SDC2: variants seen among roughly 807,000 people sequenced by gnomAD.
SDC2 encodes the protein syndecan-2.
In SDC2, 13 loss-of-function variants were observed where a neutral mutation model predicts 22.2. That is an observed-to-expected ratio of 0.59 (90% CI 0.38 to 0.93). The LOEUF is 0.93. Among genes scored for constraint, SDC2 ranks in the 40% least tolerant of loss-of-function variants. The pLI is 0.00. For missense variants in SDC2, 235 were observed against 246.8 expected, an observed-to-expected ratio of 0.95 and a Z score of 0.32; for synonymous variants, 94 against 92.8, an observed-to-expected ratio of 1.01 and a Z score of -0.07.
chr8:96,560,485 T>A (rs2130559909), intron 1 of SDC2, among the ~76,000 whole-genome samples: 1 of 152,356 alleles, frequency 6.6e-6, no homozygotes, highest in East Asian at 1.9e-4. Context: ...CTCATTTTAA[T>A]CTTTTAAAAT....
At chr8:96,495,765 C>G (rs1286301650) in intron 1 of SDC2, among the ~76,000 whole-genome samples, 1 of 152,122 alleles carries the variant, frequency 6.6e-6, no homozygotes. Context: ...GTGGGAGCCT[C>G]TGTGTGTGCT....
At chr8:96,532,722 C>G (rs1243455879) in intron 1 of SDC2, among the ~76,000 whole-genome samples, 3 of 152,178 alleles carry the variant, frequency 2.0e-5, no homozygotes, top group East Asian at 3.9e-4. Flanking sequence ...AGGCTGAGTG[C>G]AGCCCCTAGC....
chr8:96,560,650 A>G (rs774232358), intron 1 of SDC2, among the ~76,000 whole-genome samples: 72 of 152,138 alleles, frequency 4.7e-4, no homozygotes, highest in Non-Finnish European at 1.0e-3. Flanking sequence ...AGAACTTAAT[A>G]TAGTTGTACT....
At chr8:96,557,526 CAAA>C (rs895167859) in intron 1 of SDC2, among the ~76,000 whole-genome samples, 1 of 144,888 alleles carries the variant, frequency 6.9e-6, no homozygotes, top group Non-Finnish European at 1.5e-5. Flanking sequence ...ATCGCAAGAA[CAAA>C]AAACCAAACA....
intron 1 of SDC2, among the ~76,000 whole-genome samples, chr8:96,526,980 CTT>C (rs1201709079): frequency 6.6e-6 from 1 of 152,162 alleles, no homozygotes; most frequent in East Asian, 1.9e-4. Context: ...CTGGGTGACT[CTT>C]GTTCCCAATA....
At chr8:96,570,552 C>T (rs918270628) in intron 1 of SDC2, among the ~76,000 whole-genome samples, 3 of 151,912 alleles carry the variant, frequency 2.0e-5, no homozygotes, top group Admixed American at 6.6e-5. Context: ...CTGAGAAAGG[C>T]AAATGAAGAA....
intron 1 of SDC2, among the ~76,000 whole-genome samples, chr8:96,526,083 G>A (rs1173734667): frequency 1.4e-5 from 2 of 144,908 alleles, no homozygotes; most frequent in Admixed American, 1.3e-4. Context: ...GCTTTTGGAT[G>A]TGCGGGCCAG....
intron 1 of SDC2, among the ~76,000 whole-genome samples, chr8:96,559,197 G>A (rs1814168548): frequency 6.6e-6 from 1 of 152,158 alleles, no homozygotes; most frequent in African/African-American, 2.4e-5. Flanking sequence ...GGGGTGTGAT[G>A]ACATGAGACA....
At chr8:96,593,654 C>A in intron 2 of SDC2, 63 bp downstream of exon 2, 1 of 1,052,228 alleles carries the variant, frequency 9.5e-7, no homozygotes. Context: ...ACACATTTTA[C>A]TGTGCTTACT....
At chr8:96,519,447 A>G (rs1207072867) in intron 1 of SDC2, among the ~76,000 whole-genome samples, 1 of 152,204 alleles carries the variant, frequency 6.6e-6, no homozygotes, top group Non-Finnish European at 1.5e-5. Flanking sequence ...TAAAGAAGGA[A>G]TGTGTTCTTG....
chr8:96,529,008 G>T (rs2575731), intron 1 of SDC2, among the ~76,000 whole-genome samples: 4 of 152,060 alleles, frequency 2.6e-5, no homozygotes, highest in Non-Finnish European at 5.9e-5. Context: ...GAGATGCCCC[G>T]GCACAGCTGT....
At chr8:96,532,898 A>G (rs1198128629) in intron 1 of SDC2, among the ~76,000 whole-genome samples, 1 of 152,174 alleles carries the variant, frequency 6.6e-6, no homozygotes. Context: ...TTCTGAGTTC[A>G]TCTTTGCTAA....
chr8:96,513,775 A>G lies in SDC2; in HGVS notation c.60+19444A>G, dbSNP rs117193275. ...TGGAAACTTCCGATCTCGACTGAGT[A>G]AAAGGAAAGCCTTTCTAAGAGGCAG... On this transcript the variant is annotated intron_variant, in intron 1 of 4. Transcript: ENST00000302190. 4.6e-5 allele frequency among the ~76,000 whole-genome samples: 7 copies of G among 152,280 alleles called. No homozygotes were observed. In the East Asian group the frequency reaches 1.2e-3, roughly 25 times the overall value.
chr8:96,501,345 C>T lies in SDC2; in HGVS notation c.60+7014C>T, dbSNP rs144469696. On this transcript the variant is annotated intron_variant, in intron 1 of 4. Coordinates refer to ENST00000302190, the MANE Select transcript of SDC2 (RefSeq NM_002998.4). ...TTTTTGAGACAGAGTCTCACTCCGT[C>T]GCCCAGGCTGGAGTGCAGTGGCATA... Among the ~76,000 whole-genome samples, 379 of 122,190 alleles carry T rather than the reference C, an allele frequency of 3.1e-3. 4 individuals carry two copies. Among genetic ancestry groups the T allele is most frequent in the African/African-American group, 0.012 (363 of 31,474 alleles). 80.2% of individuals were successfully genotyped at this position (122,190 alleles called of 152,430 possible).
intron 1 of SDC2, among the ~76,000 whole-genome samples, chr8:96,528,827 G>A (rs1212965292): frequency 1.3e-5 from 2 of 152,166 alleles, no homozygotes; most frequent in African/African-American, 4.8e-5. Context: ...TATCCCAGAA[G>A]AAGACCATAA....
chr8:96,500,592 A>G (rs1356233459), intron 1 of SDC2, among the ~76,000 whole-genome samples: 1 of 144,272 alleles, frequency 6.9e-6, no homozygotes, highest in African/African-American at 2.6e-5. Flanking sequence ...AACACAGGAG[A>G]CGGAGGTTGC....
intron 1 of SDC2, among the ~76,000 whole-genome samples, chr8:96,563,858 T>G (rs1192004513): frequency 6.6e-6 from 1 of 152,190 alleles, no homozygotes. Context: ...AAACTACTGA[T>G]GAATTGAAGG....
chr8:96,494,182 G>T lies in SDC2; in HGVS notation c.-90G>T, dbSNP rs1392249388. 3 of 1,349,812 alleles carry T rather than the reference G, an allele frequency of 2.2e-6. No homozygotes were observed. The highest frequency in any genetic ancestry group is 3.0e-6 in the Non-Finnish European group (3 of 984,796). The allele number at this position is 1,349,812 out of a possible 1,614,324, so 83.6% of individuals were successfully genotyped here. ...CGCTGCGGTACTCTGCTCCGGATTCGTGTGCGCGGGCTGCGCCGAGCGCTG... is the reference window on the plus strand; with the variant it reads ...CGCTGCGGTACTCTGCTCCGGATTCTTGTGCGCGGGCTGCGCCGAGCGCTG... On this transcript the variant is annotated 5_prime_UTR_variant, in exon 1 of 5. Coordinates refer to ENST00000302190, the MANE Select transcript of SDC2 (RefSeq NM_002998.4).
At chr8:96,511,444 C>T (rs1016978993) in intron 1 of SDC2, among the ~76,000 whole-genome samples, 3 of 152,168 alleles carry the variant, frequency 2.0e-5, no homozygotes. Flanking sequence ...TTCCCAGTGA[C>T]TCATAAGCAC....
Sources: allele counts gnomAD v4.1 joint callset (sites outside exome capture counted in the v4.1 genomes callset), GRCh38; gene constraint gnomAD v4.1.1; transcripts MANE v1.5; gene names NCBI Gene and HGNC (gene_info 2026-07-23, HGNC 2026-07-21).